Variants in PVT1 observed in about 807,000 individuals in gnomAD.
PVT1 encodes the protein CXCR4/PVT1 fusion.
intron 2 of PVT1, among the ~76,000 whole-genome samples, chr8:127,845,792 C>G (rs1000587052): frequency 6.6e-6 from 1 of 152,140 alleles, no homozygotes; most frequent in African/African-American, 2.4e-5. Flanking sequence ...GTCCTGTTTT[C>G]CCATCCACAG....
intron 3 of PVT1, among the ~76,000 whole-genome samples, chr8:127,982,898 A>G (rs1245617499): frequency 6.6e-6 from 1 of 152,156 alleles, no homozygotes; most frequent in African/African-American, 2.4e-5. Flanking sequence ...TATTGAAAAG[A>G]AGATGTGTGT....
In PVT1 at chr8:127,881,549, T is replaced by C. The variant is rs183595085; in HGVS notation, n.373-9040T>C. On this transcript the variant is annotated intron_variant and non_coding_transcript_variant, in intron 2 of 10. Coordinates refer to ENST00000651587, the Ensembl canonical transcript of PVT1. ...TCAGCTCACTGCAACCTCCGCCTTC[T>C]GGGTTCAAGTGATTCTCCTGCCTCA... Among the ~76,000 whole-genome samples the C allele has an allele frequency of 5.9e-5, 9 of 151,720 alleles. No individual in the cohort carries two copies. In the East Asian group the frequency reaches 1.5e-3, roughly 26 times the overall value.
At chr8:128,089,431 G>T (rs1022745367) in intron 5 of PVT1, among the ~76,000 whole-genome samples, 2 of 152,054 alleles carry the variant, frequency 1.3e-5, no homozygotes, top group East Asian at 1.9e-4. Context: ...CCCCAATAAT[G>T]GTAGTAATCC....
chr8:127,917,183 G>A (rs1028185748), intron 3 of PVT1, among the ~76,000 whole-genome samples: 10 of 151,968 alleles, frequency 6.6e-5, no homozygotes, highest in Admixed American at 2.0e-4. Context: ...TTCTGCCTGC[G>A]CTACCATCTA....
intron 2 of PVT1, chr8:127,852,427 G>C (rs1431966634): frequency 6.6e-6 from 1 of 152,298 alleles, no homozygotes; most frequent in Non-Finnish European, 1.5e-5. Context: ...GAGGCAGAGA[G>C]GCAGTGAGGT....
intron 4 of PVT1, among the ~76,000 whole-genome samples, chr8:128,030,314 T>C (rs1325180667): frequency 2.6e-5 from 4 of 152,212 alleles, no homozygotes; most frequent in Non-Finnish European, 5.9e-5. Flanking sequence ...TTTTCATATA[T>C]ATTTCATTTC....
At chr8:127,799,991 A>G (rs1814445617) in intron 2 of PVT1, among the ~76,000 whole-genome samples, 1 of 152,166 alleles carries the variant, frequency 6.6e-6, no homozygotes, top group Non-Finnish European at 1.5e-5. Flanking sequence ...ACAGGAATCA[A>G]AGGGCTGTCC....
intron 2 of PVT1, among the ~76,000 whole-genome samples, chr8:127,887,045 G>A (rs1016127086): frequency 2.0e-5 from 3 of 152,140 alleles, no homozygotes; most frequent in African/African-American, 7.2e-5. Flanking sequence ...TTGCTGTTTA[G>A]TTCTTTTGGC....
chr8:128,051,469 T>A (rs1222632065), intron 4 of PVT1, among the ~76,000 whole-genome samples: 3 of 152,242 alleles, frequency 2.0e-5, no homozygotes, highest in Non-Finnish European at 4.4e-5. Flanking sequence ...TGGATTGAGA[T>A]GTTTATTTTC....
chr8:128,013,601 A>G (rs1817339566), intron 4 of PVT1, among the ~76,000 whole-genome samples: 1 of 152,260 alleles, frequency 6.6e-6, no homozygotes, highest in African/African-American at 2.4e-5. Context: ...AAGAGGACAG[A>G]TGATGACAAG....
intron 2 of PVT1, among the ~76,000 whole-genome samples, chr8:127,844,400 T>G (rs188757839): frequency 6.6e-6 from 1 of 152,320 alleles, no homozygotes; most frequent in Non-Finnish European, 1.5e-5. Context: ...GTGGGTATGT[T>G]TCACACAGTT....
intron 2 of PVT1, among the ~76,000 whole-genome samples, chr8:127,825,824 G>A (rs1026542678): frequency 6.6e-6 from 1 of 151,992 alleles, no homozygotes; most frequent in African/African-American, 2.4e-5. Context: ...CATAAGAAAA[G>A]TGCATTTGTA....
intron 4 of PVT1, among the ~76,000 whole-genome samples, chr8:128,007,286 C>A (rs73355697): frequency 0.17 from 26,298 of 152,096 alleles, 2,524 homozygotes; most frequent in South Asian, 0.33. Flanking sequence ...TAGTATTGTA[C>A]TAAAGTTAAT....
chr8:128,039,325 A>G (rs1813504666), intron 4 of PVT1, among the ~76,000 whole-genome samples: 1 of 152,160 alleles, frequency 6.6e-6, no homozygotes, highest in African/African-American at 2.4e-5. Context: ...AGTTCAGAGA[A>G]CAATCCACAC....
intron 4 of PVT1, among the ~76,000 whole-genome samples, chr8:128,039,316 G>A (rs1813504538): frequency 6.6e-6 from 1 of 152,102 alleles, no homozygotes; most frequent in South Asian, 2.1e-4. Flanking sequence ...TCAAAATACA[G>A]TTCAGAGAAC....
chr8:127,805,905 T>C (rs922400062), intron 2 of PVT1, among the ~76,000 whole-genome samples: 2 of 152,114 alleles, frequency 1.3e-5, no homozygotes, highest in African/African-American at 4.8e-5. Context: ...CAGTAGAAGT[T>C]AACCAGAAGA....
At position 128,023,965 on chromosome 8, in the gene PVT1, A is replaced by T. The variant is rs551991172; in HGVS notation, n.912+34674A>T. ...GGCACTTCTTATCTATTCTGCGTGG[A>T]GGAATTGCTCTCCTGATTTTTAAAG... is the stretch of plus-strand genomic sequence containing the variant. On this transcript the variant is annotated intron_variant and non_coding_transcript_variant, in intron 4 of 10. Transcript: ENST00000651587. Among the ~76,000 whole-genome samples, 318 of 152,300 alleles carry T rather than the reference A, an allele frequency of 2.1e-3. 3 individuals carry two copies. Among genetic ancestry groups the T allele is most frequent in the African/African-American group, 6.6e-3 (276 of 41,562 alleles).
intron 2 of PVT1, among the ~76,000 whole-genome samples, chr8:127,806,900 G>GACTCT (rs1385435979): frequency 2.6e-5 from 4 of 152,182 alleles, no homozygotes; most frequent in African/African-American, 4.8e-5. Context: ...TGCTGACTGG[G>GACTCT]ACTCTGTTGT....
intron 4 of PVT1, among the ~76,000 whole-genome samples, chr8:128,001,280 G>A (rs1817173880): frequency 6.6e-6 from 1 of 152,214 alleles, no homozygotes; most frequent in African/African-American, 2.4e-5. Context: ...GACGCTTCGG[G>A]TTTTCCACAG....
Sources: gnomAD v4.1 joint callset for allele counts (sites outside exome capture counted in the v4.1 genomes callset) on GRCh38, gnomAD v4.1.1 for gene constraint, MANE v1.5 for transcripts, NCBI Gene and HGNC (gene_info 2026-07-23, HGNC 2026-07-21) for gene names.